The following OR5M10 variants were observed in gnomAD, a reference collection of about 807,000 sequenced individuals.
The protein encoded by OR5M10 is olfactory receptor 5M10.
For synonymous variants in OR5M10, 149 were observed against 144.8 expected, an observed-to-expected ratio of 1.03 and a Z score of -0.21; for missense variants, 387 against 376.4, an observed-to-expected ratio of 1.03 and a Z score of -0.23.
In OR5M10 at chr11:56,577,435, C is replaced by T. The variant is rs1853268996; in HGVS notation, c.287G>A (p.Gly96Glu). 3 of 1,613,668 alleles carry T rather than the reference C, an allele frequency of 1.9e-6. No individual in the cohort carries two copies. Among genetic ancestry groups the T allele is most frequent in the Non-Finnish European group, 2.5e-6 (3 of 1,179,830 alleles). ...LSEQKTISYA[G>E]CFTQCLLFIA... ...GAAGAGAAGACACTGTGTGAAGCATCCAGCGTAGGAGATGGTCTTCTGTTC... is the reference window on the plus strand; with the variant it reads ...GAAGAGAAGACACTGTGTGAAGCATTCAGCGTAGGAGATGGTCTTCTGTTC... The change falls in exon 1 of 1, where the codon GGA becomes GAA. Residue 96 changes from glycine to glutamate, a missense_variant. Gly to Glu is a moderately conservative substitution (Grantham distance 98). Coordinates refer to ENST00000526538, the MANE Select transcript of OR5M10 (RefSeq NM_001004741.1).
At position 56,576,823 on chromosome 11, in the gene OR5M10, G is replaced by A. The variant is rs752326663; in HGVS notation, c.899C>T (p.Ala300Val). 3.6e-5 allele frequency: 58 copies of A among 1,612,856 alleles called. No homozygotes were observed. The highest frequency in any genetic ancestry group is 4.4e-5 in the Non-Finnish European group (52 of 1,179,698). The part of the protein sequence containing the change: ...YSLRNRDVIL[A>V]IQQMIRGKSF... ...TTTTCCCCTAATCATTTGTTGTATG[G>A]CAAGGATTACATCTCTGTTCCGTAG... The change falls in exon 1 of 1, where the codon GCC (alanine) becomes GTC (valine). Residue 300 changes from alanine (A) to valine (V), a missense_variant. Ala to Val is a moderately conservative substitution (Grantham distance 64). Transcript: ENST00000526538.
In OR5M10 at chr11:56,577,234, G is replaced by A. The variant is rs1853263741; in HGVS notation, c.488C>T (p.Thr163Ile). The change falls in exon 1 of 1, where the codon ACC becomes ATC. Residue 163 changes from threonine (T) to isoleucine (I), a missense_variant. Physicochemically the swap from Thr to Ile is moderately conservative, Grantham distance 89. Coordinates refer to ENST00000526538, the MANE Select transcript of OR5M10 (RefSeq NM_001004741.1). ...FLNGLSQTLL[T>I]FHLSFCGSLE... ...GGAGCCACAGAAGGATAAGTGAAAGGTCAGCAGTGTCTGAGAGAGCCCATT... is the reference window on the plus strand; with the variant it reads ...GGAGCCACAGAAGGATAAGTGAAAGATCAGCAGTGTCTGAGAGAGCCCATT... 2 of 1,613,772 alleles carry A rather than the reference G, an allele frequency of 1.2e-6. No homozygotes were observed. Among genetic ancestry groups the A allele is most frequent in the Non-Finnish European group, 1.7e-6 (2 of 1,179,902 alleles).
At position 56,577,313 on chromosome 11, in the gene OR5M10, A is replaced by G; in HGVS notation, c.409T>C (p.Ser137Pro). Residue 137 changes from serine (S) to proline (P), a missense_variant, in exon 1 of 1, where the codon TCC (serine) becomes CCC (proline). Physicochemically the swap from Ser to Pro is moderately conservative, Grantham distance 74 (BLOSUM62 -1). Transcript: ENST00000526538. ...CSPLHYSSRM[S>P]KNICISLVTV... ...ACCAGAGAGATGCAAATGTTCTTGG[A>G]CATCCTGGAACTGTAATGTAAAGGG... is the stretch of plus-strand genomic sequence containing the variant. 1 of 1,613,932 alleles carries G rather than the reference A, an allele frequency of 6.2e-7. No individual in the cohort carries two copies. Among genetic ancestry groups the G allele is most frequent in the Non-Finnish European group, 8.5e-7 (1 of 1,179,892 alleles).
rs1213600911 is a variant in OR5M10 at position 56,577,420 on chromosome 11, C to T, written c.302G>A (p.Cys101Tyr). Residue 101 changes from cysteine to tyrosine, a missense_variant, in exon 1 of 1, where the codon TGT becomes TAT. By Grantham distance (194) the Cys-to-Tyr change is radical. Transcript: ENST00000526538. ...GATCACTAGGGCGATGAAGAGAAGA[C>T]ACTGTGTGAAGCATCCAGCGTAGGA... ...TISYAGCFTQ[C>Y]LLFIALVITE... 5 of 1,613,890 alleles carry T rather than the reference C, an allele frequency of 3.1e-6. No individual in the cohort carries two copies. The highest frequency in any genetic ancestry group is 1.3e-5 in the African/African-American group (1 of 74,952).
rs780167792 is a variant in OR5M10, at chr11:56,577,147, G to T, written c.575C>A (p.Thr192Asn). 5.0e-6 allele frequency: 8 copies of T among 1,613,790 alleles called. No homozygotes were observed. In the Admixed American group the frequency reaches 1.0e-4, roughly 20 times the overall value. ...AAACATTGCCATCTTTTTGACACGG[G>T]TGTCAGAGCAGGCCAGCATGATAAG... ...PPLIMLACSD[T>N]RVKKMAMFVV... Residue 192 changes from threonine to asparagine, a missense_variant, in exon 1 of 1, where the codon ACC (threonine) becomes AAC (asparagine). Coordinates refer to ENST00000526538, the MANE Select transcript of OR5M10 (RefSeq NM_001004741.1).
chr11:56,577,270 T>C lies in OR5M10; in HGVS notation c.452A>G (p.Tyr151Cys), dbSNP rs759047737. 3.7e-6 allele frequency: 6 copies of C among 1,613,752 alleles called. No individual in the cohort carries two copies. The highest frequency in any genetic ancestry group is 1.7e-5 in the Admixed American group (1 of 59,994). ...CISLVTVPYMYGFLNGLSQTL... is the reference protein window; with the variant it reads ...CISLVTVPYMCGFLNGLSQTL... ...CTGAGAGAGCCCATTAAGGAAGCCATACATGTAAGGCACAGTGACCAGAGA... is the reference window on the plus strand; with the variant it reads ...CTGAGAGAGCCCATTAAGGAAGCCACACATGTAAGGCACAGTGACCAGAGA... Residue 151 changes from tyrosine to cysteine, a missense_variant, in exon 1 of 1, where the codon TAT becomes TGT. By Grantham distance (194) the Tyr-to-Cys change is radical (BLOSUM62 -2). Coordinates refer to ENST00000526538, the MANE Select transcript of OR5M10 (RefSeq NM_001004741.1).
chr11:56,577,040 T>C lies in OR5M10; in HGVS notation c.682A>G (p.Ile228Val). 1 of 1,613,824 alleles carries C rather than the reference T, an allele frequency of 6.2e-7. No individual in the cohort carries two copies. Among genetic ancestry groups the C allele is most frequent in the Non-Finnish European group, 8.5e-7 (1 of 1,179,864 alleles). The change falls in exon 1 of 1, where the codon ATC (isoleucine) becomes GTC (valine). Residue 228 changes from isoleucine to valine, a missense_variant. Ile to Val is a conservative substitution (Grantham distance 29, BLOSUM62 3). Transcript: ENST00000526538. Reference sequence around the variant, plus strand: ...TTGTGCCTGCCTTCAGCAGAACGGATCCTGAAGATCGCTGCAAAAATGAAA... The same window carrying C: ...TTGTGCCTGCCTTCAGCAGAACGGACCCTGAAGATCGCTGCAAAAATGAAA... Reference protein sequence around the residue: ...YLFIFAAIFRIRSAEGRHKAF... With the variant: ...YLFIFAAIFRVRSAEGRHKAF...
In OR5M10 at chr11:56,577,507, C is replaced by A. The variant is rs774803347; in HGVS notation, c.215G>T (p.Cys72Phe). The A allele has an allele frequency of 1.2e-6, 2 of 1,613,590 alleles. No homozygotes were observed. The highest frequency in any genetic ancestry group is 1.7e-6 in the Non-Finnish European group (2 of 1,179,720). The part of the protein sequence containing the change: ...FLGHLSFVDI[C>F]YSSNVTPNML... ...ATTTGGAGTAACATTGGAAGAATAG[C>A]AAATGTCTACAAAGGAGAGGTGACC... is the stretch of plus-strand genomic sequence containing the variant. Residue 72 changes from cysteine (C) to phenylalanine (F), a missense_variant, in exon 1 of 1, where the codon TGC (cysteine) becomes TTC (phenylalanine). By Grantham distance (205) the Cys-to-Phe change is radical. Coordinates refer to ENST00000526538, the MANE Select transcript of OR5M10 (RefSeq NM_001004741.1).
In OR5M10 at chr11:56,577,543, T is replaced by C. The variant is rs1317925108; in HGVS notation, c.179A>G (p.Tyr60Cys). The C allele has an allele frequency of 1.2e-6, 2 of 1,613,522 alleles. No homozygotes were observed. The highest frequency in any genetic ancestry group is 1.7e-6 in the Non-Finnish European group (2 of 1,179,694). ...AAAGGAGAGGTGACCAAGGAAGAAA[T>C]ACATGGGTGTTTGCAGTTGGGAATT... ...RTNSQLQTPM[Y>C]FFLGHLSFVD... The change falls in exon 1 of 1, where the codon TAT becomes TGT. Residue 60 changes from tyrosine to cysteine, a missense_variant. Coordinates refer to ENST00000526538, the MANE Select transcript of OR5M10 (RefSeq NM_001004741.1).
rs1853260810 is a variant in OR5M10 at position 56,577,096 on chromosome 11, C to T, written c.626G>A (p.Ser209Asn). 1 of 1,613,780 alleles carries T rather than the reference C, an allele frequency of 6.2e-7. No homozygotes were observed. The highest frequency in any genetic ancestry group is 8.5e-7 in the Non-Finnish European group (1 of 1,179,832). Reference sequence around the variant, plus strand: ...GGACAGAAGAATGATGAAGAGAGAGCTTGAGAGAGTAAAGCCTGCAACTAC... The same window carrying T: ...GGACAGAAGAATGATGAAGAGAGAGTTTGAGAGAGTAAAGCCTGCAACTAC... Reference protein sequence around the residue: ...MFVVAGFTLSSSLFIILLSYL... With the variant: ...MFVVAGFTLSNSLFIILLSYL... Residue 209 changes from serine (S) to asparagine (N), a missense_variant, in exon 1 of 1, where the codon AGC becomes AAC. Coordinates refer to ENST00000526538, the MANE Select transcript of OR5M10 (RefSeq NM_001004741.1).
Position 56,576,885 on chromosome 11 carries a change from A to G in OR5M10, c.837T>C (p.Thr279=), listed in dbSNP as rs747392785. The part of the protein sequence containing the change: ...EESKIIAVFY[T]FLSPMLNPLI... ...ATGGGTTCAGCATTGGGCTCAAAAA[A>G]GTATAAAAGACTGCAATTATTTTGG... Residue 279 remains threonine, a synonymous_variant, in exon 1 of 1, where the codon ACT becomes ACC. Transcript: ENST00000526538. 4.3e-6 allele frequency: 7 copies of G among 1,613,908 alleles called. No homozygotes were observed. The Admixed American group carries it at 1.2e-4, about 27-fold the overall frequency.
chr11:56,577,579 A>G lies in OR5M10; in HGVS notation c.143T>C (p.Leu48Pro), dbSNP rs1170058408. 6.2e-7 allele frequency: 1 copy of G among 1,613,740 alleles called. No individual in the cohort carries two copies. The highest frequency in any genetic ancestry group is 1.7e-5 in the Admixed American group (1 of 60,020). ...TTGCAGTTGGGAATTGGTCCTGATCAGCAGGATCATGCACAGGTTGCCTGC... is the reference window on the plus strand; with the variant it reads ...TTGCAGTTGGGAATTGGTCCTGATCGGCAGGATCATGCACAGGTTGCCTGC... The part of the protein sequence containing the change: ...TLAGNLCMIL[L>P]IRTNSQLQTP... Residue 48 changes from leucine (L) to proline (P), a missense_variant, in exon 1 of 1, where the codon CTG becomes CCG. Coordinates refer to ENST00000526538, the MANE Select transcript of OR5M10 (RefSeq NM_001004741.1).
At position 56,577,457 on chromosome 11, in the gene OR5M10, G is replaced by C; in HGVS notation, c.265C>G (p.Gln89Glu). 1 of 1,613,748 alleles carries C rather than the reference G, an allele frequency of 6.2e-7. No individual in the cohort carries two copies. The change falls in exon 1 of 1, where the codon CAG (glutamine) becomes GAG (glutamate). Residue 89 changes from glutamine (Q) to glutamate (E), a missense_variant. Physicochemically the swap from Gln to Glu is conservative, Grantham distance 29. Coordinates refer to ENST00000526538, the MANE Select transcript of OR5M10 (RefSeq NM_001004741.1). Reference sequence around the variant, plus strand: ...CATCCAGCGTAGGAGATGGTCTTCTGTTCTGAGAGGAAATTGTGCAGCATA... The same window carrying C: ...CATCCAGCGTAGGAGATGGTCTTCTCTTCTGAGAGGAAATTGTGCAGCATA... ...PNMLHNFLSE[Q>E]KTISYAGCFT...
chr11:56,577,434 T>C lies in OR5M10; in HGVS notation c.288A>G (p.Gly96=), dbSNP rs752856926. Residue 96 remains glycine (G), a synonymous_variant, in exon 1 of 1, where the codon GGA becomes GGG. Transcript: ENST00000526538. ...LSEQKTISYA[G]CFTQCLLFIA... Reference sequence around the variant, plus strand: ...TGAAGAGAAGACACTGTGTGAAGCATCCAGCGTAGGAGATGGTCTTCTGTT... The same window carrying C: ...TGAAGAGAAGACACTGTGTGAAGCACCCAGCGTAGGAGATGGTCTTCTGTT... The C allele has an allele frequency of 1.2e-6, 2 of 1,613,838 alleles. No homozygotes were observed. The highest frequency in any genetic ancestry group is 1.7e-6 in the Non-Finnish European group (2 of 1,179,836).
rs1194774424 is a variant in OR5M10, at chr11:56,576,927, C to A, written c.795G>T (p.Glu265Asp). Reference protein sequence around the residue: ...LFCMYVRPPSEKSVEESKIIA... With the variant: ...LFCMYVRPPSDKSVEESKIIA... The stretch of plus-strand genomic sequence containing the variant: ...TTATTTTGGACTCCTCTACAGACTT[C>A]TCTGATGGAGGCCTTACGTACATGC... Residue 265 changes from glutamate to aspartate, a missense_variant, in exon 1 of 1, where the codon GAG becomes GAT. Glu to Asp is a conservative substitution (Grantham distance 45). Transcript: ENST00000526538. The A allele has an allele frequency of 1.2e-6, 2 of 1,613,904 alleles. No homozygotes were observed. Among genetic ancestry groups the A allele is most frequent in the Non-Finnish European group, 1.7e-6 (2 of 1,179,894 alleles).
In OR5M10 at chr11:56,577,595, G is replaced by A; in HGVS notation, c.127C>T (p.Leu43=). 7 of 1,613,668 alleles carry A rather than the reference G, an allele frequency of 4.3e-6. No homozygotes were observed. The highest frequency in any genetic ancestry group is 5.9e-6 in the Non-Finnish European group (7 of 1,179,728). ...AIYLITLAGN[L]CMILLIRTNS... ...GTCCTGATCAGCAGGATCATGCACA[G>A]GTTGCCTGCCAGTGTGATTAGGTAG... The change falls in exon 1 of 1, where the codon CTG becomes TTG. Residue 43 remains leucine, a synonymous_variant. Transcript: ENST00000526538.
In OR5M10 at chr11:56,577,544, A is replaced by G. The variant is rs758119827; in HGVS notation, c.178T>C (p.Tyr60His). The G allele has an allele frequency of 1.1e-5, 17 of 1,613,572 alleles. No homozygotes were observed. The highest frequency in any genetic ancestry group is 1.4e-5 in the Non-Finnish European group (17 of 1,179,734). ...RTNSQLQTPM[Y>H]FFLGHLSFVD... ...AAGGAGAGGTGACCAAGGAAGAAATACATGGGTGTTTGCAGTTGGGAATTG... is the reference window on the plus strand; with the variant it reads ...AAGGAGAGGTGACCAAGGAAGAAATGCATGGGTGTTTGCAGTTGGGAATTG... Residue 60 changes from tyrosine (Y) to histidine (H), a missense_variant, in exon 1 of 1, where the codon TAT becomes CAT. Coordinates refer to ENST00000526538, the MANE Select transcript of OR5M10 (RefSeq NM_001004741.1).
rs774278611 is a variant in OR5M10 at position 56,577,305 on chromosome 11, G to A, written c.417C>T (p.Asn139=). 82 of 1,613,760 alleles carry A rather than the reference G, an allele frequency of 5.1e-5. No individual in the cohort carries two copies. The highest frequency in any genetic ancestry group is 6.2e-5 in the Non-Finnish European group (73 of 1,179,894). The change falls in exon 1 of 1, where the codon AAC becomes AAT. Residue 139 remains asparagine, a synonymous_variant. Transcript: ENST00000526538. Reference sequence around the variant, plus strand: ...GCACAGTGACCAGAGAGATGCAAATGTTCTTGGACATCCTGGAACTGTAAT... The same window carrying A: ...GCACAGTGACCAGAGAGATGCAAATATTCTTGGACATCCTGGAACTGTAAT... ...PLHYSSRMSK[N]ICISLVTVPY...
Position 56,577,006 on chromosome 11 carries a change from G to A in OR5M10, c.716C>T (p.Ser239Phe). The change falls in exon 1 of 1, where the codon TCT becomes TTT. Residue 239 changes from serine (S) to phenylalanine (F), a missense_variant. Coordinates refer to ENST00000526538, the MANE Select transcript of OR5M10 (RefSeq NM_001004741.1). Reference sequence around the variant, plus strand: ...TATTGTCAGGTGGGAAGCACACGTAGAAAAGGCTTTGTGCCTGCCTTCAGC... The same window carrying A: ...TATTGTCAGGTGGGAAGCACACGTAAAAAAGGCTTTGTGCCTGCCTTCAGC... The part of the protein sequence containing the change: ...RSAEGRHKAF[S>F]TCASHLTIVT... 1 of 1,613,826 alleles carries A rather than the reference G, an allele frequency of 6.2e-7. No homozygotes were observed. The highest frequency in any genetic ancestry group is 8.5e-7 in the Non-Finnish European group (1 of 1,179,844).
Sources: gnomAD v4.1 joint callset for allele counts on GRCh38, gnomAD v4.1.1 for gene constraint, MANE v1.5 for transcripts, NCBI Gene and HGNC (gene_info 2026-07-23, HGNC 2026-07-21) for gene names.